Variants in FAM114A2 observed in about 807,000 individuals in gnomAD.
FAM114A2 encodes family with sequence similarity 114 member A2.
In FAM114A2, 53 loss-of-function variants were observed where a neutral mutation model predicts 58.4. That is an observed-to-expected ratio of 0.91 (90% CI 0.73 to 1.14). FAM114A2 has a LOEUF of 1.14. Ranked by LOEUF, FAM114A2 falls within the 50% of genes most tolerant of loss-of-function variation. The probability of loss-of-function intolerance (pLI) is 0.00; values close to 1 mark genes in which losing one functional copy is unlikely to be tolerated. For missense variants in FAM114A2, 601 were observed against 581.1 expected, an observed-to-expected ratio of 1.03 and a Z score of -0.35; for synonymous variants, 228 against 211.4, an observed-to-expected ratio of 1.08 and a Z score of -0.68.
chr5:154,030,628 C>A lies in FAM114A2; in HGVS notation c.404-1048G>T, dbSNP rs192198283. On this transcript the variant is annotated intron_variant, in intron 4 of 13. Coordinates refer to ENST00000351797, the MANE Select transcript of FAM114A2 (RefSeq NM_018691.4). Reference sequence around the variant, plus strand: ...TGGCAATCAGTTTGAGTGGAAGAAACGGAGACTGGAATCTGGGAATGCTGA... The same window carrying A: ...TGGCAATCAGTTTGAGTGGAAGAAAAGGAGACTGGAATCTGGGAATGCTGA... Among the ~76,000 whole-genome samples, 55 of 152,318 alleles carry A rather than the reference C, an allele frequency of 3.6e-4. No individual in the cohort carries two copies. The East Asian group carries it at 7.1e-3, about 20-fold the overall frequency.
At chr5:154,025,662 T>A (rs1265645361) in intron 8 of FAM114A2, among the ~76,000 whole-genome samples, 1 of 151,802 alleles carries the variant, frequency 6.6e-6, no homozygotes, top group Non-Finnish European at 1.5e-5. Flanking sequence ...GATTATTTCA[T>A]GAAGAAAAGG....
intron 5 of FAM114A2, 53 bp from the exon 6 acceptor site, chr5:154,028,336 T>C: frequency 7.9e-7 from 1 of 1,259,156 alleles, no homozygotes; most frequent in Non-Finnish European, 1.1e-6. Flanking sequence ...CATATTTTTA[T>C]GCATTTTTAT....
At chr5:154,010,485 G>C (rs1015422296) in intron 9 of FAM114A2, among the ~76,000 whole-genome samples, 2 of 152,142 alleles carry the variant, frequency 1.3e-5, no homozygotes, top group African/African-American at 4.8e-5. Context: ...CTGGGGGATG[G>C]AGACAAGGTG....
Position 153,994,986 on chromosome 5 carries a change from T to C in FAM114A2, c.1330-14A>G, listed in dbSNP as rs1387270555. On this transcript the variant is annotated splice_polypyrimidine_tract_variant and intron_variant, in intron 12 of 13. Coordinates refer to ENST00000351797, the MANE Select transcript of FAM114A2 (RefSeq NM_018691.4). ...CATTTCTTTGACCTGGAATAACGAA[T>C]ACATTTTTAAGTGAGCAGAGTAGGT... The C allele has an allele frequency of 6.3e-7, 1 of 1,594,202 alleles. No homozygotes were observed. Among genetic ancestry groups the C allele is most frequent in the South Asian group, 1.1e-5 (1 of 90,578 alleles).
chr5:153,999,116 G>A (rs1431834109), intron 11 of FAM114A2, among the ~76,000 whole-genome samples: 1 of 152,068 alleles, frequency 6.6e-6, no homozygotes, highest in East Asian at 1.9e-4. Context: ...CATCTGACAG[G>A]AGACTAATAT....
intron 7 of FAM114A2, among the ~76,000 whole-genome samples, chr5:154,026,740 T>C (rs1270138631): frequency 1.3e-5 from 2 of 152,042 alleles, no homozygotes; most frequent in East Asian, 2.0e-4. Context: ...CAGAAATTCC[T>C]GGAAATTATC....
chr5:154,019,378 CAT>C (rs1436831740), intron 8 of FAM114A2, among the ~76,000 whole-genome samples: 2 of 152,044 alleles, frequency 1.3e-5, no homozygotes, highest in East Asian at 3.9e-4. Flanking sequence ...TGAAAGAAAT[CAT>C]AGACGATACA....
intron 8 of FAM114A2, among the ~76,000 whole-genome samples, 181 bp from the exon 9 acceptor site, chr5:154,011,501 T>C (rs1561553701): frequency 1.3e-5 from 2 of 152,288 alleles, no homozygotes; most frequent in South Asian, 2.1e-4. Flanking sequence ...TTTACGTATA[T>C]CAATAAATGC....
chr5:154,004,621 T>C (rs1245166420), intron 9 of FAM114A2, among the ~76,000 whole-genome samples: 1 of 152,194 alleles, frequency 6.6e-6, no homozygotes, highest in African/African-American at 2.4e-5. Flanking sequence ...TGCCACCAGG[T>C]ACCAGTTACC....
intron 1 of FAM114A2, chr5:154,037,269 A>G (rs1200470857): frequency 6.6e-6 from 1 of 152,264 alleles, no homozygotes; most frequent in African/African-American, 2.4e-5. Flanking sequence ...AAGGTAGATT[A>G]AGACAACACT....
intron 8 of FAM114A2, among the ~76,000 whole-genome samples, chr5:154,024,196 T>C (rs1039323040): frequency 5.9e-5 from 9 of 152,220 alleles, no homozygotes; most frequent in African/African-American, 1.9e-4. Context: ...TCATTTAATC[T>C]GGTAATTCTC....
intron 11 of FAM114A2, among the ~76,000 whole-genome samples, chr5:153,999,507 G>C (rs150518742): frequency 6.6e-6 from 1 of 151,858 alleles, no homozygotes; most frequent in Non-Finnish European, 1.5e-5. Context: ...TGGTGTGCAC[G>C]CTTGTAATCC....
At chr5:154,028,893 A>C (rs1771985017) in intron 5 of FAM114A2, among the ~76,000 whole-genome samples, 1 of 152,168 alleles carries the variant, frequency 6.6e-6, no homozygotes, top group African/African-American at 2.4e-5. Flanking sequence ...AGAGGACACA[A>C]GATGGTGGGG....
chr5:154,014,160 T>C (rs901790007), intron 8 of FAM114A2, among the ~76,000 whole-genome samples: 3 of 152,252 alleles, frequency 2.0e-5, no homozygotes, highest in Admixed American at 6.5e-5. Flanking sequence ...TCAGGACAAG[T>C]ACCTTTACAT....
At chr5:154,031,312 C>CAAAAACAAAAAAA (rs1772178041) in intron 4 of FAM114A2, among the ~76,000 whole-genome samples, 1 of 47,858 alleles carries the variant, frequency 2.1e-5, no homozygotes, top group Non-Finnish European at 3.4e-5. Context: ...ACTCCCTCTC[C>CAAAAACAAAAAAA]AAAAAAAAAA....
At position 154,024,842 on chromosome 5, in the gene FAM114A2, C is replaced by G. The variant is rs367747287; in HGVS notation, c.913+1557G>C. On this transcript the variant is annotated intron_variant, in intron 8 of 13. Transcript: ENST00000351797. The stretch of plus-strand genomic sequence containing the variant: ...CTGACACATTTCCTTGTTAAAATAT[C>G]AAAAAGTGATATTTTAACAAATATG... 1.9e-4 allele frequency among the ~76,000 whole-genome samples: 29 copies of G among 152,124 alleles called. No individual in the cohort carries two copies. The East Asian group carries it at 3.5e-3, about 18-fold the overall frequency.
intron 11 of FAM114A2, among the ~76,000 whole-genome samples, chr5:153,999,069 G>A (rs1397371128): frequency 6.6e-6 from 1 of 152,138 alleles, no homozygotes; most frequent in African/African-American, 2.4e-5. Flanking sequence ...TAGTAACAGT[G>A]TGTGATATGT....
chr5:153,998,737 G>C (rs1736959033), intron 11 of FAM114A2, among the ~76,000 whole-genome samples: 1 of 151,908 alleles, frequency 6.6e-6, no homozygotes, highest in African/African-American at 2.4e-5. Flanking sequence ...AGACTTTCTA[G>C]CCACCAGAAT....
chr5:154,022,069 G>A (rs1375594553), intron 8 of FAM114A2, among the ~76,000 whole-genome samples: 2 of 152,174 alleles, frequency 1.3e-5, no homozygotes, highest in African/African-American at 4.8e-5. Flanking sequence ...AATAAATGGT[G>A]CTGGGAAAAC....
Sources: allele counts gnomAD v4.1 joint callset (sites outside exome capture counted in the v4.1 genomes callset), GRCh38; gene constraint gnomAD v4.1.1; transcripts MANE v1.5; gene names NCBI Gene and HGNC (gene_info 2026-07-23, HGNC 2026-07-21).